Variants in ARFGAP3 observed in about 807,000 individuals in gnomAD.
The protein encoded by ARFGAP3 is ARF GTPase activating protein 3.
ARFGAP3 carries 72 observed loss-of-function variants against 75.0 expected under a neutral mutation model. The ratio of observed to expected loss-of-function variants is 0.96; its 90% CI spans 0.79 to 1.17. ARFGAP3 has a LOEUF of 1.17. Ranked by LOEUF, ARFGAP3 falls within the 50% of genes most tolerant of loss-of-function variation. The pLI, the probability that ARFGAP3 is intolerant of heterozygous loss-of-function variation, is 0.00. For synonymous variants in ARFGAP3, 221 were observed against 217.9 expected, an observed-to-expected ratio of 1.01 and a Z score of -0.13; for missense variants, 620 against 626.6, an observed-to-expected ratio of 0.99 and a Z score of 0.11.
chr22:42,847,508 A>G lies in ARFGAP3; in HGVS notation c.188+6T>C, dbSNP rs945676536. ...ATCTCACCCCAATGAGAGAAGATTC[A>G]CTTACCGAATAAAACTCAAGTGAAC... On this transcript the variant is annotated splice_donor_region_variant and intron_variant, in intron 2 of 15. Coordinates refer to ENST00000263245, the MANE Select transcript of ARFGAP3 (RefSeq NM_014570.5). 6 of 1,608,646 alleles carry G rather than the reference A, an allele frequency of 3.7e-6. No homozygotes were observed. Among genetic ancestry groups the G allele is most frequent in the Non-Finnish European group, 5.1e-6 (6 of 1,175,764 alleles).
intron 11 of ARFGAP3, among the ~76,000 whole-genome samples, chr22:42,813,362 C>T (rs1925450545): frequency 2.0e-5 from 3 of 152,082 alleles, no homozygotes; most frequent in African/African-American, 7.2e-5. Context: ...CTGGACTGCC[C>T]TGGAGTGGGA....
At chr22:42,832,708 C>T (rs977537254) in intron 5 of ARFGAP3, among the ~76,000 whole-genome samples, 4 of 151,758 alleles carry the variant, frequency 2.6e-5, no homozygotes, top group Admixed American at 6.6e-5. Flanking sequence ...ATAGTAGGCC[C>T]GGTGTGGTGG....
intron 14 of ARFGAP3, among the ~76,000 whole-genome samples, chr22:42,805,563 C>T (rs1485580496): frequency 6.6e-6 from 1 of 152,146 alleles, no homozygotes; most frequent in Admixed American, 6.5e-5. Context: ...GGCCAGGACA[C>T]TGAAAGTTTG....
chr22:42,797,627 A>G, intron 15 of ARFGAP3, 22 bp from the exon 16 acceptor site: 1 of 1,613,986 alleles, frequency 6.2e-7, no homozygotes, highest in Non-Finnish European at 8.5e-7. Context: ...ACCAAAATGG[A>G]AGTTCACGAC....
intron 2 of ARFGAP3, among the ~76,000 whole-genome samples, chr22:42,845,312 G>C (rs1926963809): frequency 6.7e-6 from 1 of 149,678 alleles, no homozygotes. Context: ...ATCACCTGAG[G>C]TCAGGAGTTC....
chr22:42,835,421 G>C lies in ARFGAP3; in HGVS notation c.334C>G (p.Leu112Val). Residue 112 changes from leucine (L) to valine (V), a missense_variant, in exon 4 of 16, where the codon CTC (leucine) becomes GTC (valine). Transcript: ENST00000263245. ...AGCGATTTGATTTTCTCCCTATAGA[G>C]CTGAGCAGCACGACTGTTGTACTTG... ...NAKYNSRAAQ[L>V]YREKIKSLAS... The C allele has an allele frequency of 6.2e-7, 1 of 1,614,148 alleles. No homozygotes were observed. The highest frequency in any genetic ancestry group is 1.3e-5 in the African/African-American group (1 of 75,046).
intron 5 of ARFGAP3, 123 bp from the exon 6 acceptor site, chr22:42,831,759 A>G: frequency 6.7e-7 from 1 of 1,500,094 alleles, no homozygotes; most frequent in Non-Finnish European, 8.9e-7. Context: ...GTTAATGGAA[A>G]GGAAGGCATA....
intron 14 of ARFGAP3, among the ~76,000 whole-genome samples, chr22:42,802,987 A>T (rs1452088290): frequency 6.6e-6 from 1 of 151,894 alleles, no homozygotes; most frequent in Non-Finnish European, 1.5e-5. Flanking sequence ...CCAAGATTAT[A>T]AGAACAAGTT....
intron 2 of ARFGAP3, 174 bp from the exon 3 acceptor site, chr22:42,841,190 C>T (rs1451721731): frequency 4.7e-5 from 36 of 765,740 alleles, no homozygotes; most frequent in Non-Finnish European, 5.6e-5. Flanking sequence ...TGATGGTTGG[C>T]GTGAGCAACC....
chr22:42,807,612 G>A (rs4635631), intron 13 of ARFGAP3, among the ~76,000 whole-genome samples: 1 of 152,142 alleles, frequency 6.6e-6, no homozygotes, highest in Non-Finnish European at 1.5e-5. Context: ...AAATGATGGC[G>A]AAATGTTACA....
rs771149533 is a variant in ARFGAP3 at position 42,797,600 on chromosome 22, G to A, written c.1539C>T (p.Arg513=). 8.7e-6 allele frequency: 14 copies of A among 1,613,980 alleles called. No individual in the cohort carries two copies. The highest frequency in any genetic ancestry group is 1.7e-5 in the Admixed American group (1 of 59,990). The change falls in exon 16 of 16, where the codon CGC becomes CGT. Residue 513 remains arginine (R), a synonymous_variant. Coordinates refer to ENST00000263245, the MANE Select transcript of ARFGAP3 (RefSeq NM_014570.5). ...CATGACTTCAGTATTAAGAACCGTA[G>A]CGATCCTGAAGAGAGAACCAAAATG... is the stretch of plus-strand genomic sequence containing the variant. ...ANGVVTSIQD[R]YGS
intron 4 of ARFGAP3, among the ~76,000 whole-genome samples, chr22:42,834,945 G>A (rs183990210): frequency 1.3e-5 from 2 of 152,282 alleles, no homozygotes; most frequent in African/African-American, 4.8e-5. Context: ...GCACATGAAG[G>A]CTGTGATGTG....
chr22:42,802,639 T>C (rs1924924810), intron 14 of ARFGAP3, among the ~76,000 whole-genome samples: 1 of 142,450 alleles, frequency 7.0e-6, no homozygotes, highest in Non-Finnish European at 1.5e-5. Flanking sequence ...TCTTGCTCTG[T>C]TGCCCAGGCT....
chr22:42,853,850 C>A, intron 1 of ARFGAP3: 1 of 182,734 alleles, frequency 5.5e-6, no homozygotes, highest in South Asian at 1.4e-4. Flanking sequence ...TCTTGAAAAT[C>A]ATCAAAGGCA....
chr22:42,817,672 C>A, intron 10 of ARFGAP3, 57 bp downstream of exon 10: 1 of 1,379,624 alleles, frequency 7.2e-7, no homozygotes, highest in South Asian at 1.3e-5. Context: ...AAGAAAAATC[C>A]ACTGATGATT....
chr22:42,805,787 C>A (rs1314297305), intron 14 of ARFGAP3, among the ~76,000 whole-genome samples: 1 of 152,224 alleles, frequency 6.6e-6, no homozygotes, highest in Non-Finnish European at 1.5e-5. Context: ...TCACTGGCAG[C>A]GGATGTGCCG....
chr22:42,841,633 G>A (rs738534), intron 2 of ARFGAP3, among the ~76,000 whole-genome samples: 57,995 of 151,916 alleles, frequency 0.38, 11,753 homozygotes, highest in Non-Finnish European at 0.45. Context: ...CCAAGGGGTC[G>A]ACGGTAAAGC....
chr22:42,821,966 A>G (rs1602106402), intron 9 of ARFGAP3, among the ~76,000 whole-genome samples: 1 of 152,068 alleles, frequency 6.6e-6, no homozygotes, highest in East Asian at 1.9e-4. Flanking sequence ...CTTGATTTGC[A>G]TTTCCCCAAC....
At chr22:42,828,468 A>G (rs1287220138) in intron 6 of ARFGAP3, among the ~76,000 whole-genome samples, 2 of 151,910 alleles carry the variant, frequency 1.3e-5, no homozygotes, top group African/African-American at 4.8e-5. Flanking sequence ...AGACAGGAGA[A>G]TCGCTTGAAC....
Sources: allele counts gnomAD v4.1 joint callset (sites outside exome capture counted in the v4.1 genomes callset), GRCh38; gene constraint gnomAD v4.1.1; transcripts MANE v1.5; gene names NCBI Gene and HGNC (gene_info 2026-07-23, HGNC 2026-07-21).